The following PLCB1 variants were observed in gnomAD, a reference collection of about 807,000 sequenced individuals.
The protein encoded by PLCB1 is 1-phosphatidylinositol 4,5-bisphosphate phosphodiesterase beta-1.
In PLCB1, 46 loss-of-function variants were observed where a neutral mutation model predicts 161.8. That is an observed-to-expected ratio of 0.28 (90% confidence interval 0.22 to 0.36). The LOEUF is 0.36. Among genes scored for constraint, PLCB1 ranks in the 10% least tolerant of loss-of-function variants. The pLI, the probability that PLCB1 is intolerant of heterozygous loss-of-function variation, is 1.00. For synonymous variants in PLCB1, 517 were observed against 503.7 expected (o/e 1.03, Z -0.35); for missense variants, 1,016 against 1,472.5 (o/e 0.69, Z 5.07).
intron 23 of PLCB1, among the ~76,000 whole-genome samples, chr20:8,756,186 C>T (rs1195803554): frequency 6.6e-6 from 1 of 152,100 alleles, no homozygotes; most frequent in African/African-American, 2.4e-5. Flanking sequence ...TACTCTGTGC[C>T]AGAAACAATT....
At chr20:8,842,047 C>T (rs1478257261) in intron 31 of PLCB1, among the ~76,000 whole-genome samples, 1 of 151,140 alleles carries the variant, frequency 6.6e-6, no homozygotes, top group African/African-American at 2.4e-5. Flanking sequence ...AGTACCTTGG[C>T]TTATATAACC....
At chr20:8,164,245 A>G (rs935760187) in intron 2 of PLCB1, among the ~76,000 whole-genome samples, 10 of 152,148 alleles carry the variant, frequency 6.6e-5, no homozygotes, top group African/African-American at 2.4e-4. Context: ...GGTGGACTCC[A>G]GGACACCAGG....
Position 8,658,551 on chromosome 20 carries a change from A to C in PLCB1, c.709A>C (p.Lys237Gln), listed in dbSNP as rs751604098. 1.3e-6 allele frequency: 2 copies of C among 1,598,792 alleles called. No individual in the cohort carries two copies. The highest frequency in any genetic ancestry group is 2.3e-5 in the South Asian group (2 of 87,896). ...CATTGTTTTTAGTGGTGCAAAAAGC[A>C]AACCATATCTTACCGTTGATCAGAT... Reference protein sequence around the residue: ...NIFSEFGAKSKPYLTVDQMMD... With the variant: ...NIFSEFGAKSQPYLTVDQMMD... The change falls in exon 9 of 32, where the codon AAA (lysine) becomes CAA (glutamine). Residue 237 changes from lysine (K) to glutamine (Q), a missense_variant. Lys to Gln is a moderately conservative substitution (Grantham distance 53). This residue lies in a region of PLCB1 where 117 missense variants were observed against 142.2 expected (regional missense o/e 0.82). Coordinates refer to ENST00000338037, the MANE Select transcript of PLCB1 (RefSeq NM_015192.4).
intron 3 of PLCB1, among the ~76,000 whole-genome samples, chr20:8,479,542 T>C: frequency 6.6e-6 from 1 of 152,352 alleles, no homozygotes; most frequent in Middle Eastern, 3.4e-3. Context: ...TCACAATTCT[T>C]AATAGACCGC....
At chr20:8,228,732 A>G (rs1025246642) in intron 2 of PLCB1, among the ~76,000 whole-genome samples, 1 of 151,972 alleles carries the variant, frequency 6.6e-6, no homozygotes, top group Non-Finnish European at 1.5e-5. Context: ...CATGTTGCTC[A>G]GGCTGAACTC....
chr20:8,453,257 G>A (rs1233554077), intron 3 of PLCB1, among the ~76,000 whole-genome samples: 1 of 152,224 alleles, frequency 6.6e-6, no homozygotes, highest in Admixed American at 6.5e-5. Flanking sequence ...CCAGTGGAAG[G>A]TGAGCAATAA....
intron 3 of PLCB1, among the ~76,000 whole-genome samples, chr20:8,507,541 A>G (rs1600113979): frequency 6.6e-6 from 1 of 152,326 alleles, no homozygotes; most frequent in South Asian, 2.1e-4. Context: ...TTTAAGGCGT[A>G]TGTTTTCTCC....
intron 2 of PLCB1, among the ~76,000 whole-genome samples, chr20:8,187,812 A>G (rs1436311671): frequency 6.6e-6 from 1 of 152,150 alleles, no homozygotes; most frequent in Non-Finnish European, 1.5e-5. Flanking sequence ...TAGATAACTG[A>G]ATCTATGAGT....
rs144980116 is a variant in PLCB1 at position 8,693,291 on chromosome 20, G to T, written c.1010-4335G>T. 4.6e-5 allele frequency among the ~76,000 whole-genome samples: 7 copies of T among 152,294 alleles called. No individual in the cohort carries two copies. In the East Asian group the frequency reaches 1.4e-3, roughly 29 times the overall value. The stretch of plus-strand genomic sequence containing the variant: ...AAGTCATTTTCTTAAGAGTGGAAAT[G>T]ACTTTAGGCTCTTACATAGACACTT... On this transcript the variant is annotated intron_variant, in intron 10 of 31. Coordinates refer to ENST00000338037, the MANE Select transcript of PLCB1 (RefSeq NM_015192.4).
intron 2 of PLCB1, among the ~76,000 whole-genome samples, chr20:8,229,070 C>T (rs6086371): frequency 0.66 from 100,697 of 151,848 alleles, 33,656 homozygotes; most frequent in East Asian, 0.77. Flanking sequence ...CTCTAGTAGC[C>T]ACTGTTCTAT....
intron 3 of PLCB1, among the ~76,000 whole-genome samples, chr20:8,480,633 T>C (rs2122742369): frequency 6.6e-6 from 1 of 152,272 alleles, no homozygotes; most frequent in South Asian, 2.1e-4. Flanking sequence ...CCAGGTACTA[T>C]CCAGATGCTC....
chr20:8,422,327 G>A (rs1273200832), intron 3 of PLCB1, among the ~76,000 whole-genome samples: 1 of 152,132 alleles, frequency 6.6e-6, no homozygotes, highest in African/African-American at 2.4e-5. Context: ...TATGATTATT[G>A]GTTTTTTCTG....
chr20:8,424,019 G>A (rs1002769230), intron 3 of PLCB1, among the ~76,000 whole-genome samples: 2 of 152,114 alleles, frequency 1.3e-5, no homozygotes, highest in Non-Finnish European at 2.9e-5. Context: ...CTGCCCTCTG[G>A]AAGAACAGAG....
At chr20:8,561,255 A>G (rs973583585) in intron 3 of PLCB1, among the ~76,000 whole-genome samples, 1 of 151,982 alleles carries the variant, frequency 6.6e-6, no homozygotes, top group African/African-American at 2.4e-5. Flanking sequence ...GTCTAAAGGA[A>G]TAGAACTAGA....
chr20:8,176,435 A>C (rs977725093), intron 2 of PLCB1, among the ~76,000 whole-genome samples: 4 of 152,226 alleles, frequency 2.6e-5, no homozygotes, highest in Non-Finnish European at 5.9e-5. Flanking sequence ...TTGCAATGGC[A>C]AAATTTTAAT....
At chr20:8,336,247 A>G (rs1985572781) in intron 2 of PLCB1, among the ~76,000 whole-genome samples, 1 of 150,414 alleles carries the variant, frequency 6.6e-6, no homozygotes, top group Admixed American at 6.6e-5. Context: ...CTCTCAGAAG[A>G]TTATCTGTGT....
intron 10 of PLCB1, among the ~76,000 whole-genome samples, chr20:8,688,721 A>G (rs1231264543): frequency 6.6e-6 from 1 of 152,210 alleles, no homozygotes; most frequent in Non-Finnish European, 1.5e-5. Context: ...TTTTTATGCC[A>G]GTACCACACT....
At chr20:8,449,601 C>T (rs1188582696) in intron 3 of PLCB1, among the ~76,000 whole-genome samples, 1 of 152,172 alleles carries the variant, frequency 6.6e-6, no homozygotes, top group Non-Finnish European at 1.5e-5. Context: ...CTCATTGTCC[C>T]GAAGGAGAAC....
At chr20:8,835,381 C>T (rs1009807482) in intron 31 of PLCB1, among the ~76,000 whole-genome samples, 20 of 152,124 alleles carry the variant, frequency 1.3e-4, no homozygotes, top group African/African-American at 4.8e-4. Flanking sequence ...AGGGTCTCCA[C>T]CGTTGTCACA....
Sources: allele counts gnomAD v4.1 joint callset (sites outside exome capture counted in the v4.1 genomes callset), GRCh38; gene constraint gnomAD v4.1.1; regional missense constraint gnomAD v4.1.1; transcripts MANE v1.5; gene names NCBI Gene and HGNC (gene_info 2026-07-23, HGNC 2026-07-21).